The following CDH23 variants were observed in gnomAD, a reference collection of about 807,000 sequenced individuals.
The protein encoded by CDH23 is cadherin-23.
CDH23 carries 189 observed loss-of-function variants against 317.1 expected under a neutral mutation model. The ratio of observed to expected loss-of-function variants is 0.60; its 90% CI spans 0.53 to 0.67. CDH23 has a LOEUF of 0.67. Ranked by LOEUF, CDH23 falls within the 30% of genes least tolerant of loss-of-function variation. The probability of loss-of-function intolerance (pLI) is 0.00; values close to 1 mark genes in which losing one functional copy is unlikely to be tolerated. For synonymous variants in CDH23, 1,839 were observed against 1,876.8 expected (o/e 0.98, Z 0.52); for missense variants, 4,401 against 4,592.4 (o/e 0.96, Z 1.20).
At position 71,789,049 on chromosome 10, in the gene CDH23, G is replaced by T. The variant is rs2132945784; in HGVS notation, c.5923+7G>T. On this transcript the variant is annotated splice_region_variant and intron_variant, in intron 45 of 69. Coordinates refer to ENST00000224721, the MANE Select transcript of CDH23 (RefSeq NM_022124.6). The stretch of plus-strand genomic sequence containing the variant: ...ATGGAAAACTCTCCCGCTGGTAGGT[G>T]CTGGGCCCACCCGGGAGCTCCTGCT... 1 of 1,429,698 alleles carries T rather than the reference G, an allele frequency of 7.0e-7. No individual in the cohort carries two copies. The highest frequency in any genetic ancestry group is 9.9e-7 in the Non-Finnish European group (1 of 1,012,414). The allele number at this position is 1,429,698 out of a possible 1,614,324, so 88.6% of individuals were successfully genotyped here.
intron 9 of CDH23, among the ~76,000 whole-genome samples, chr10:71,580,616 C>G (rs1858556063): frequency 6.6e-6 from 1 of 152,170 alleles, no homozygotes; most frequent in Non-Finnish European, 1.5e-5. Flanking sequence ...ATGGATGTGG[C>G]AAGGGATAGG....
rs573032828 is a variant in CDH23, at chr10:71,617,376, G to A, written c.1117G>A (p.Val373Met). 3 of 1,613,688 alleles carry A rather than the reference G, an allele frequency of 1.9e-6. No homozygotes were observed. The highest frequency in any genetic ancestry group is 2.5e-6 in the Non-Finnish European group (3 of 1,179,870). The change falls in exon 11 of 70, where the codon GTG becomes ATG. Residue 373 changes from valine (V) to methionine (M), a missense_variant. Val to Met is a conservative substitution (Grantham distance 21). Coordinates refer to ENST00000224721, the MANE Select transcript of CDH23 (RefSeq NM_022124.6). ...VGFALPLFIQ[V>M]VDKDENLGLN... ...CTTTGCCCTTCCACTCTTCATCCAGGTGGTGGACAAGGATGAGGTGAGTCC... is the reference window on the plus strand; with the variant it reads ...CTTTGCCCTTCCACTCTTCATCCAGATGGTGGACAAGGATGAGGTGAGTCC...
At chr10:71,595,493 GC>G (rs541052716) in intron 9 of CDH23, among the ~76,000 whole-genome samples, 194 of 152,292 alleles carry the variant, frequency 1.3e-3, no homozygotes, top group Non-Finnish European at 2.4e-3. Context: ...TGGACCCTGT[GC>G]CCAGGACAGT....
At chr10:71,545,344 C>T (rs947667682) in intron 6 of CDH23, among the ~76,000 whole-genome samples, 2 of 152,142 alleles carry the variant, frequency 1.3e-5, no homozygotes, top group Non-Finnish European at 2.9e-5. Flanking sequence ...TCTCATCCAC[C>T]GTGCGTTTCA....
intron 45 of CDH23, among the ~76,000 whole-genome samples, chr10:71,789,957 T>C (rs1249142000): frequency 1.3e-5 from 2 of 152,302 alleles, no homozygotes; most frequent in East Asian, 3.9e-4. Context: ...GACCCACACA[T>C]GGGGAGGGGA....
chr10:71,761,854 C>G (rs1180131437), intron 38 of CDH23: 1 of 1,614,158 alleles, frequency 6.2e-7, no homozygotes, highest in Admixed American at 1.7e-5. Flanking sequence ...TGGGCCGGCG[C>G]TCTGAGCAGG....
chr10:71,675,568 G>A (rs760890497), intron 15 of CDH23, among the ~76,000 whole-genome samples: 3 of 152,184 alleles, frequency 2.0e-5, no homozygotes, highest in Non-Finnish European at 4.4e-5. Context: ...CATCCTCTCA[G>A]TGAAATGACA....
intron 28 of CDH23, chr10:71,713,021 G>A (rs1342851940): frequency 1.4e-6 from 1 of 740,554 alleles, no homozygotes; most frequent in South Asian, 1.5e-5. Flanking sequence ...GCAGAGCTGA[G>A]GATAGGGCTC....
At chr10:71,485,569 C>T (rs1852303976) in intron 3 of CDH23, among the ~76,000 whole-genome samples, 1 of 152,256 alleles carries the variant, frequency 6.6e-6, no homozygotes. Context: ...CTTCCCCTTC[C>T]ATCTCATTGG....
At chr10:71,548,503 G>A (rs1856409647) in intron 6 of CDH23, among the ~76,000 whole-genome samples, 1 of 152,204 alleles carries the variant, frequency 6.6e-6, no homozygotes, top group Admixed American at 6.5e-5. Context: ...CATCAGAGGT[G>A]GGCTGGGAAG....
At chr10:71,548,204 G>A (rs1260762705) in intron 6 of CDH23, among the ~76,000 whole-genome samples, 5 of 152,216 alleles carry the variant, frequency 3.3e-5, no homozygotes, top group Admixed American at 6.5e-5. Context: ...CCTGCTGCAC[G>A]CCTGAGTAAA....
rs1840305609 is a variant in CDH23, at chr10:71,760,115, ATGTGTGTATATATATG to A, written c.4846-17563_4846-17548del. Among the ~76,000 whole-genome samples the A allele has an allele frequency of 2.1e-5, 2 of 95,256 alleles. 1 individual carries two copies. The highest frequency in any genetic ancestry group is 4.8e-5 in the Non-Finnish European group (2 of 41,718). 62.5% of individuals were successfully genotyped at this position (95,256 alleles called of 152,430 possible). A position where few individuals can be genotyped will look rare whatever the true frequency, so the allele number is the denominator to read the frequency against. ...TATACACACACACATACATACATAT[ATGTGTGTATATATATG>A]TATATACATATATATGTGTGTATAT... On this transcript the variant is annotated intron_variant, in intron 38 of 69. Coordinates refer to ENST00000224721, the MANE Select transcript of CDH23 (RefSeq NM_022124.6).
chr10:71,814,823 C>CA, intron 69 of CDH23, 129 bp from the exon 70 acceptor site: 2 of 1,089,782 alleles, frequency 1.8e-6, no homozygotes, highest in East Asian at 5.2e-5. Flanking sequence ...GTTTGAGAAA[C>CA]AGAGTCTGAC....
chr10:71,510,828 T>C (rs909090826), intron 4 of CDH23, 126 bp from the exon 5 acceptor site: 1 of 848,968 alleles, frequency 1.2e-6, no homozygotes, highest in Non-Finnish European at 2.0e-6. Flanking sequence ...AGGGAAGCCT[T>C]TGGGTGCCTG....
At chr10:71,809,772 C>T (rs370160092) in intron 60 of CDH23, 48 bp from the exon 61 acceptor site, 365 of 1,587,726 alleles carry the variant, frequency 2.3e-4, no homozygotes, top group Non-Finnish European at 2.9e-4. Context: ...CCTGGGGATT[C>T]GGGGCACTGA....
chr10:71,529,776 T>C (rs1196434282), intron 6 of CDH23, among the ~76,000 whole-genome samples: 1 of 152,002 alleles, frequency 6.6e-6, no homozygotes, highest in Non-Finnish European at 1.5e-5. Flanking sequence ...ACCTGAGCCC[T>C]ACAAGCCCAA....
chr10:71,452,925 T>C, intron 3 of CDH23, among the ~76,000 whole-genome samples: 1 of 152,166 alleles, frequency 6.6e-6, no homozygotes, highest in Non-Finnish European at 1.5e-5. Flanking sequence ...CCTCCATCTC[T>C]GTACCAAGCA....
At chr10:71,705,199 T>G (rs1589353746) in intron 25 of CDH23, 69 bp downstream of exon 25, 1 of 1,425,328 alleles carries the variant, frequency 7.0e-7, no homozygotes, top group Non-Finnish European at 9.5e-7. Flanking sequence ...GGGGCAGGGG[T>G]AGAGGGGAGC....
intron 15 of CDH23, among the ~76,000 whole-genome samples, chr10:71,675,743 G>A (rs12262033): frequency 0.25 from 38,557 of 151,900 alleles, 5,096 homozygotes; most frequent in African/African-American, 0.27. Flanking sequence ...CCCCAAGAGG[G>A]CTCTCAACAT....
Sources: allele counts gnomAD v4.1 joint callset (sites outside exome capture counted in the v4.1 genomes callset), GRCh38; gene constraint gnomAD v4.1.1; transcripts MANE v1.5; gene names NCBI Gene and HGNC (gene_info 2026-07-23, HGNC 2026-07-21).